Variants in PDE10A observed in about 807,000 individuals in gnomAD.
PDE10A encodes phosphodiesterase 10A, also known as cAMP and cAMP-inhibited cGMP 3',5'-cyclic phosphodiesterase 10A.
A neutral mutation model predicts 97.7 loss-of-function variants in PDE10A; 39 were observed. That is an observed-to-expected ratio of 0.40 (90% CI 0.31 to 0.52). The LOEUF (loss-of-function observed/expected upper bound fraction) is 0.52. PDE10A is among the 20% of genes least tolerant of loss of function. The probability of loss-of-function intolerance (pLI) is 0.56; values close to 1 mark genes in which losing one functional copy is unlikely to be tolerated. For missense variants in PDE10A, 731 were observed against 1,047.8 expected (o/e 0.70, Z 4.17); for synonymous variants, 371 against 376.8 (o/e 0.98, Z 0.18).
intron 1 of PDE10A, among the ~76,000 whole-genome samples, chr6:165,794,466 A>G (rs1303870545): frequency 6.6e-6 from 1 of 151,534 alleles, no homozygotes; most frequent in Non-Finnish European, 1.5e-5. Context: ...ATGCCCATGC[A>G]TGCACGCACA....
intron 1 of PDE10A, among the ~76,000 whole-genome samples, chr6:165,584,268 C>T (rs1328902165): frequency 6.6e-6 from 1 of 152,188 alleles, no homozygotes; most frequent in Non-Finnish European, 1.5e-5. Context: ...TCAGGCTTCC[C>T]TGACCCCTGG....
chr6:165,652,920 C>T (rs1789754649), intron 1 of PDE10A, among the ~76,000 whole-genome samples: 1 of 152,188 alleles, frequency 6.6e-6, no homozygotes, highest in African/African-American at 2.4e-5. Context: ...CACTTATCTC[C>T]CTCCTTCCCA....
chr6:165,557,725 CTATTTA>C (rs1415360002), intron 1 of PDE10A, among the ~76,000 whole-genome samples: 2 of 152,124 alleles, frequency 1.3e-5, no homozygotes, highest in East Asian at 3.9e-4. Context: ...AAGGATATTA[CTATTTA>C]TATTTCCTCA....
chr6:165,440,167 C>A (rs532693113), intron 5 of PDE10A, among the ~76,000 whole-genome samples: 1 of 152,196 alleles, frequency 6.6e-6, no homozygotes, highest in South Asian at 2.1e-4. Flanking sequence ...GTAAATAGCT[C>A]CCACATTTAC....
chr6:165,906,012 CTT>C (rs1782259749), intron 1 of PDE10A, among the ~76,000 whole-genome samples: 3 of 45,014 alleles, frequency 6.7e-5, no homozygotes, highest in East Asian at 3.0e-3. Context: ...TCCTTCCTTC[CTT>C]CCCTCCCTCC....
At chr6:165,575,615 C>G (rs951220083) in intron 1 of PDE10A, among the ~76,000 whole-genome samples, 7 of 152,198 alleles carry the variant, frequency 4.6e-5, no homozygotes, top group African/African-American at 1.4e-4. Context: ...AATCCTGAAA[C>G]ATGATCAACA....
intron 1 of PDE10A, among the ~76,000 whole-genome samples, chr6:165,730,992 G>A (rs1341182126): frequency 6.6e-6 from 1 of 152,138 alleles, no homozygotes; most frequent in African/African-American, 2.4e-5. Context: ...GTTGCAGTGA[G>A]CTGAGATTGT....
At chr6:165,555,244 C>T (rs766087501) in intron 1 of PDE10A, among the ~76,000 whole-genome samples, 6 of 152,158 alleles carry the variant, frequency 3.9e-5, no homozygotes, top group African/African-American at 7.2e-5. Flanking sequence ...GCTTCTTTCA[C>T]ATTGCATGCC....
At chr6:165,945,887 G>T (rs991886568) in intron 1 of PDE10A, among the ~76,000 whole-genome samples, 1 of 152,146 alleles carries the variant, frequency 6.6e-6, no homozygotes, top group African/African-American at 2.4e-5. Context: ...AAACCAAGTG[G>T]GGAAATGTGT....
chr6:165,400,416 G>A lies in PDE10A; in HGVS notation c.2077-3957C>T, dbSNP rs138022094. Among the ~76,000 whole-genome samples the A allele has an allele frequency of 2.0e-3, 310 of 152,218 alleles. 2 individuals carry two copies. The highest frequency in any genetic ancestry group is 7.1e-3 in the African/African-American group (293 of 41,540). ...AATGAAAAGACAAGCCAAAGACTGC[G>A]AGCAAATATTTACAAATAATCTATC... On this transcript the variant is annotated intron_variant, in intron 13 of 21. Transcript: ENST00000539869.
upstream of PDE10A, among the ~76,000 whole-genome samples, chr6:165,667,004 A>G (rs144479915): frequency 1.7e-4 from 26 of 152,304 alleles, 1 homozygote; most frequent in East Asian, 4.4e-3. Flanking sequence ...ATGTTAAGAC[A>G]TCTTGACCAA....
At chr6:165,358,336 G>A (rs963633561) in intron 18 of PDE10A, among the ~76,000 whole-genome samples, 6 of 151,844 alleles carry the variant, frequency 4.0e-5, no homozygotes, top group Non-Finnish European at 7.4e-5. Flanking sequence ...TTACTTTTTA[G>A]TTCTGTGTTT....
intron 1 of PDE10A, among the ~76,000 whole-genome samples, chr6:165,763,357 C>T (rs1239203376): frequency 1.3e-5 from 2 of 152,162 alleles, no homozygotes; most frequent in African/African-American, 4.8e-5. Flanking sequence ...GAGTCTTGCT[C>T]TGTCACCCAG....
At position 165,339,087 on chromosome 6, in the gene PDE10A, GT is replaced by G. The variant is rs969969820; in HGVS notation, c.2976+190del. On this transcript the variant is annotated intron_variant, in intron 20 of 21. Coordinates refer to ENST00000539869, the MANE Select transcript of PDE10A (RefSeq NM_001385079.1). ...AGTAGATGATTATTCAGGGTAAACA[GT>G]TTTTCTTTTTCTAGTTCTCAATCTT... Among the ~76,000 whole-genome samples the G allele has an allele frequency of 4.6e-5, 7 of 152,290 alleles. No homozygotes were observed. The South Asian group carries it at 6.2e-4, about 14-fold the overall frequency.
intron 1 of PDE10A, among the ~76,000 whole-genome samples, chr6:165,812,867 T>C (rs1384544315): frequency 1.3e-5 from 2 of 152,060 alleles, no homozygotes; most frequent in Non-Finnish European, 2.9e-5. Flanking sequence ...CTCCTGTAAA[T>C]TGCGAGTCTG....
chr6:165,529,203 C>A (rs1292273719), intron 2 of PDE10A, among the ~76,000 whole-genome samples: 1 of 152,170 alleles, frequency 6.6e-6, no homozygotes, highest in Non-Finnish European at 1.5e-5. Context: ...ACAGTGTTGA[C>A]TGGGGTGACT....
At chr6:165,469,459 G>T (rs1030060415) in intron 3 of PDE10A, among the ~76,000 whole-genome samples, 1 of 152,200 alleles carries the variant, frequency 6.6e-6, no homozygotes, top group Non-Finnish European at 1.5e-5. Context: ...TTCCTGAAAA[G>T]AAATTTAGCT....
intron 1 of PDE10A, among the ~76,000 whole-genome samples, chr6:165,791,963 G>A (rs1040120455): frequency 1.3e-5 from 2 of 152,128 alleles, no homozygotes; most frequent in African/African-American, 4.8e-5. Flanking sequence ...TCTCAGCATC[G>A]GCCGTGAAAC....
intron 1 of PDE10A, among the ~76,000 whole-genome samples, chr6:165,900,963 C>T (rs1007643563): frequency 2.0e-5 from 3 of 152,124 alleles, no homozygotes; most frequent in African/African-American, 7.2e-5. Flanking sequence ...TCTTAATGAG[C>T]GAAAGGCCCA....
Sources: gnomAD v4.1 joint callset for allele counts (sites outside exome capture counted in the v4.1 genomes callset) on GRCh38, gnomAD v4.1.1 for gene constraint, MANE v1.5 for transcripts, NCBI Gene and HGNC (gene_info 2026-07-23, HGNC 2026-07-21) for gene names.